The following WWOX variants were observed in gnomAD, a reference collection of about 807,000 sequenced individuals.
The protein encoded by WWOX is WW domain containing oxidoreductase.
Under a neutral mutation model 46.2 loss-of-function variants are expected in WWOX, and 69 were observed. The observed-to-expected ratio is 1.49, with a 90% confidence interval of 1.23 to 1.82. The LOEUF (loss-of-function observed/expected upper bound fraction) is 1.82, where lower values mean the gene tolerates loss of function less well. WWOX is among the 40% of genes most tolerant of loss of function. WWOX has a pLI of 0.00. For synonymous variants in WWOX, 359 were observed against 202.6 expected (o/e 1.77, Z -6.56); for missense variants, 919 against 542.6 (o/e 1.69, Z -6.89).
intron 8 of WWOX, among the ~76,000 whole-genome samples, chr16:78,777,475 A>T (rs1263862540): frequency 6.6e-6 from 1 of 152,210 alleles, no homozygotes; most frequent in Non-Finnish European, 1.5e-5. Flanking sequence ...CACAGAGTAG[A>T]CATTGCAAAT....
At chr16:79,085,861 C>T (rs2048844949) in intron 8 of WWOX, among the ~76,000 whole-genome samples, 1 of 152,058 alleles carries the variant, frequency 6.6e-6, no homozygotes, top group Non-Finnish European at 1.5e-5. Context: ...GCCTGGGCAA[C>T]ACAGTGAGAC....
At chr16:79,210,242 A>G (rs12446337) in intron 8 of WWOX, among the ~76,000 whole-genome samples, 17,319 of 152,210 alleles carry the variant, frequency 0.11, 1,361 homozygotes, top group African/African-American at 0.22. Flanking sequence ...AAACCAAACA[A>G]CAATGACAAC....
intron 8 of WWOX, among the ~76,000 whole-genome samples, chr16:79,123,513 C>T (rs1289312350): frequency 1.3e-5 from 2 of 152,086 alleles, no homozygotes; most frequent in South Asian, 2.1e-4. Context: ...CATTCATCCT[C>T]ATAACAGTTC....
At chr16:78,692,056 G>A (rs2548885) in intron 8 of WWOX, among the ~76,000 whole-genome samples, 5 of 152,170 alleles carry the variant, frequency 3.3e-5, no homozygotes, top group East Asian at 1.9e-4. Flanking sequence ...ATGTTTCTGA[G>A]GCCTCCCCAG....
At chr16:79,104,924 C>T (rs2049277636) in intron 8 of WWOX, among the ~76,000 whole-genome samples, 1 of 152,208 alleles carries the variant, frequency 6.6e-6, no homozygotes, top group Non-Finnish European at 1.5e-5. Flanking sequence ...TGGCTAATTA[C>T]TCAGGAGCAA....
At chr16:78,803,044 G>C (rs1233012411) in intron 8 of WWOX, among the ~76,000 whole-genome samples, 1 of 150,942 alleles carries the variant, frequency 6.6e-6, no homozygotes, top group Non-Finnish European at 1.5e-5. Context: ...GTGGCCAGTA[G>C]GTGCAAGAGT....
intron 8 of WWOX, among the ~76,000 whole-genome samples, chr16:78,972,352 G>T (rs1307289057): frequency 2.6e-5 from 4 of 152,042 alleles, no homozygotes; most frequent in Non-Finnish European, 5.9e-5. Context: ...TGGGAGCCGT[G>T]AAGTGAGCGC....
intron 8 of WWOX, among the ~76,000 whole-genome samples, chr16:79,027,277 C>G (rs1356105540): frequency 1.7e-5 from 1 of 59,618 alleles, no homozygotes; most frequent in Admixed American, 2.1e-4. Context: ...AAGACTCCAT[C>G]TCAAAAAAAA....
chr16:78,162,398 G>A (rs963557125), intron 4 of WWOX, among the ~76,000 whole-genome samples: 2 of 150,464 alleles, frequency 1.3e-5, no homozygotes, highest in African/African-American at 4.9e-5. Context: ...GTATATATGT[G>A]TATCTACACA....
At chr16:78,164,778 C>G (rs908594198) in intron 5 of WWOX, among the ~76,000 whole-genome samples, 36 of 152,150 alleles carry the variant, frequency 2.4e-4, no homozygotes, top group African/African-American at 8.7e-4. Context: ...GAATCCCTGC[C>G]CTCATAGGCT....
At chr16:78,333,698 A>C (rs181258512) in intron 5 of WWOX, among the ~76,000 whole-genome samples, 58 of 152,360 alleles carry the variant, frequency 3.8e-4, no homozygotes, top group Non-Finnish European at 6.3e-4. Flanking sequence ...GTTTGTATAT[A>C]TGTATGTACA....
rs1217771591 is a variant in WWOX at position 78,109,771 on chromosome 16, G to A, written c.173-7G>A. 1 of 1,614,098 alleles carries A rather than the reference G, an allele frequency of 6.2e-7. No individual in the cohort carries two copies. The highest frequency in any genetic ancestry group is 8.5e-7 in the Non-Finnish European group (1 of 1,180,010). ...GCACCTGTAGACCTGTCTTTCTTGTGTTTCAGATTTGCCATACGGATGGGA... is the reference window on the plus strand; with the variant it reads ...GCACCTGTAGACCTGTCTTTCTTGTATTTCAGATTTGCCATACGGATGGGA... On this transcript the variant is annotated splice_region_variant and splice_polypyrimidine_tract_variant and intron_variant, in intron 2 of 8. Coordinates refer to ENST00000566780, the MANE Select transcript of WWOX (RefSeq NM_016373.4).
chr16:78,616,620 T>G (rs764541715), intron 8 of WWOX, among the ~76,000 whole-genome samples: 14 of 151,606 alleles, frequency 9.2e-5, no homozygotes, highest in South Asian at 8.4e-4. Flanking sequence ...AACTAAAAAC[T>G]TAGCCAGGCT....
chr16:79,189,942 G>T (rs527402401), intron 8 of WWOX, among the ~76,000 whole-genome samples: 55 of 148,342 alleles, frequency 3.7e-4, no homozygotes, highest in Non-Finnish European at 5.4e-4. Flanking sequence ...GAAGGGGGGG[G>T]GGATAAAGAT....
At chr16:78,105,826 G>C (rs1368284393) in intron 1 of WWOX, among the ~76,000 whole-genome samples, 1 of 152,050 alleles carries the variant, frequency 6.6e-6, no homozygotes, top group African/African-American at 2.4e-5. Flanking sequence ...TTTTTAGGTT[G>C]AGTCTTGCTT....
At chr16:79,006,620 T>C (rs113428657) in intron 8 of WWOX, among the ~76,000 whole-genome samples, 4,244 of 152,202 alleles carry the variant, frequency 0.028, 74 homozygotes, top group Middle Eastern at 0.048. Flanking sequence ...AACCTAAATG[T>C]ATTATCTGAC....
At chr16:78,515,589 A>G (rs1333194090) in intron 8 of WWOX, among the ~76,000 whole-genome samples, 1 of 152,218 alleles carries the variant, frequency 6.6e-6, no homozygotes, top group Non-Finnish European at 1.5e-5. Flanking sequence ...GGCATCACAT[A>G]GCTATCTCTG....
intron 5 of WWOX, among the ~76,000 whole-genome samples, chr16:78,316,467 T>G (rs2080357784): frequency 6.6e-6 from 1 of 152,066 alleles, no homozygotes; most frequent in South Asian, 2.1e-4. Context: ...CTCAGGCTCC[T>G]GAGTAGCTGG....
At chr16:78,852,116 TTGTTGAAA>T (rs991550768) in intron 8 of WWOX, among the ~76,000 whole-genome samples, 1 of 152,208 alleles carries the variant, frequency 6.6e-6, no homozygotes, top group Non-Finnish European at 1.5e-5. Context: ...GGTCATTTTG[TTGTTGAAA>T]TGTTAGAGTT....
Sources: allele counts gnomAD v4.1 joint callset (sites outside exome capture counted in the v4.1 genomes callset), GRCh38; gene constraint gnomAD v4.1.1; transcripts MANE v1.5; gene names NCBI Gene and HGNC (gene_info 2026-07-23, HGNC 2026-07-21).